The following SENP2 variants were observed in gnomAD, a reference collection of about 807,000 sequenced individuals.
The protein encoded by SENP2 is sentrin-specific protease 2.
In SENP2, 16 loss-of-function variants were observed where a neutral mutation model predicts 86.3. The observed-to-expected ratio is 0.19, with a 90% CI of 0.13 to 0.28. SENP2 has a LOEUF of 0.28. SENP2 is among the 10% of genes least tolerant of loss of function. The pLI, the probability that SENP2 is intolerant of heterozygous loss-of-function variation, is 1.00. For missense variants in SENP2, 552 were observed against 703.0 expected, an observed-to-expected ratio of 0.79 and a Z score of 2.43; for synonymous variants, 222 against 238.7, an observed-to-expected ratio of 0.93 and a Z score of 0.64.
In SENP2 at chr3:185,631,135, A is replaced by G. The variant is rs1712439130; in HGVS notation, c.*1291A>G. The G allele has an allele frequency of 6.6e-6, 1 of 151,954 alleles. No individual in the cohort carries two copies. Among genetic ancestry groups the G allele is most frequent in the Non-Finnish European group, 1.5e-5 (1 of 67,990 alleles). The allele number at this position is 151,954 out of a possible 1,614,324, so 9.4% of individuals were successfully genotyped here. A position where few individuals can be genotyped will look rare whatever the true frequency, so the allele number is the denominator to read the frequency against. The stretch of plus-strand genomic sequence containing the variant: ...TGAAATGATTTCTAACCCTCTCCCT[A>G]CTTAAACCTCCCAGACTTGTTCTGG... On this transcript the variant is annotated 3_prime_UTR_variant, in exon 17 of 17. Transcript: ENST00000296257.
Position 185,613,379 on chromosome 3 carries a change from AT to A in SENP2, c.905del (p.Met302ArgfsTer44). 1 of 1,594,626 alleles carries A rather than the reference AT, an allele frequency of 6.3e-7. No individual in the cohort carries two copies. Among genetic ancestry groups the A allele is most frequent in the Non-Finnish European group, 8.6e-7 (1 of 1,164,040 alleles). On this transcript the variant is annotated frameshift_variant, in exon 10 of 17. Coordinates refer to ENST00000296257, the MANE Select transcript of SENP2 (RefSeq NM_021627.3). ...GGGGAAAATTACTGATACAGAGACGATGGTCGGAATCAGATTTGAAAATGAA... is the reference window on the plus strand; with the variant it reads ...GGGGAAAATTACTGATACAGAGACGAGGTCGGAATCAGATTTGAAAATGAA... ...SKGKITDTETMVGIRFENESR... is the reference protein window; with the variant it reads ...SKGKITDTETXVGIRFENESR...
chr3:185,600,980 G>A lies in SENP2; in HGVS notation c.449+125G>A, dbSNP rs1018780872. ...AGCGCTCTGAGGTTAGTAACTTGCT[G>A]AATGTCATGCAGCCAGTGAGAGACT... On this transcript the variant is annotated intron_variant, in intron 5 of 16. Transcript: ENST00000296257. 1.8e-5 allele frequency: 11 copies of A among 607,164 alleles called. No individual in the cohort carries two copies. The African/African-American group carries it at 2.1e-4, about 12-fold the overall frequency. 37.6% of individuals were successfully genotyped at this position (607,164 alleles called of 1,614,324 possible).
chr3:185,609,760 C>T (rs1722626105), intron 7 of SENP2, among the ~76,000 whole-genome samples: 1 of 151,660 alleles, frequency 6.6e-6, no homozygotes, highest in African/African-American at 2.4e-5. Flanking sequence ...TTCTCCTTCA[C>T]CTCCTCCTGG....
chr3:185,616,735 A>G (rs1218379406), intron 11 of SENP2, among the ~76,000 whole-genome samples: 1 of 149,094 alleles, frequency 6.7e-6, no homozygotes, highest in Admixed American at 6.8e-5. Context: ...AGATGGCGCC[A>G]CTGCACTCCG....
At position 185,624,091 on chromosome 3, in the gene SENP2, C is replaced by T. The variant is rs776681261; in HGVS notation, c.1611+9C>T. The T allele has an allele frequency of 8.2e-6, 13 of 1,583,154 alleles. No homozygotes were observed. The highest frequency in any genetic ancestry group is 4.5e-5 in the South Asian group (4 of 88,998). On this transcript the variant is annotated intron_variant, in intron 15 of 16. Transcript: ENST00000296257. The stretch of plus-strand genomic sequence containing the variant: ...ACAGCATGAAACCACACGTGAGTGA[C>T]GATCATCTACATGTGACATACTTGG...
At position 185,586,442 on chromosome 3, in the gene SENP2, G is replaced by A. The variant is rs1182040119; in HGVS notation, c.29G>A (p.Gly10Asp). Residue 10 changes from glycine (G) to aspartate (D), a missense_variant, in exon 1 of 17, where the codon GGC becomes GAC. Physicochemically the swap from Gly to Asp is moderately conservative, Grantham distance 94 (BLOSUM62 -1). Coordinates refer to ENST00000296257, the MANE Select transcript of SENP2 (RefSeq NM_021627.3). This position sits in a 1 kb window ranked among gnomAD's most constrained non-coding sequence, Gnocchi z 4.3. ...TACAGATGGCTGGTTAGGATTCTCG[G>A]CACCATTTTCCGTTTCTGCGACCGG... is the stretch of plus-strand genomic sequence containing the variant. MYRWLVRIL[G>D]TIFRFCDRSV... is the part of the protein sequence containing the mutation. 6.2e-7 allele frequency: 1 copy of A among 1,614,082 alleles called. No individual in the cohort carries two copies. Among genetic ancestry groups the A allele is most frequent in the African/African-American group, 1.3e-5 (1 of 75,066 alleles).
intron 15 of SENP2, among the ~76,000 whole-genome samples, chr3:185,625,653 A>G: frequency 6.6e-6 from 1 of 152,184 alleles, no homozygotes; most frequent in East Asian, 1.9e-4. Flanking sequence ...TTTTTGCCTT[A>G]CGGCAGAACT....
intron 10 of SENP2, among the ~76,000 whole-genome samples, chr3:185,613,859 A>G (rs1180406782): frequency 1.3e-5 from 2 of 149,834 alleles, no homozygotes; most frequent in Non-Finnish European, 3.0e-5. Context: ...GGCAGGAAGC[A>G]TTGAAAATAC....
intron 11 of SENP2, among the ~76,000 whole-genome samples, chr3:185,616,016 C>G (rs1444110041): frequency 1.3e-5 from 2 of 151,804 alleles, no homozygotes; most frequent in African/African-American, 2.4e-5. Context: ...GCGCGTGCCA[C>G]CACGCCCAGC....
At chr3:185,606,301 C>CT in intron 5 of SENP2, 29 bp from the exon 6 acceptor site, 2 of 1,568,530 alleles carry the variant, frequency 1.3e-6, no homozygotes, top group South Asian at 2.4e-5. Context: ...CTTGGTGATA[C>CT]TTTTTTTCTT....
chr3:185,598,684 A>G (rs774949223), intron 3 of SENP2, 139 bp downstream of exon 3: 14 of 861,670 alleles, frequency 1.6e-5, no homozygotes, highest in Non-Finnish European at 1.9e-5. Context: ...CTGTGCTATA[A>G]AGGCCAAGAA....
rs1712416015 is a variant in SENP2, at chr3:185,630,600, T to C, written c.*756T>C. 1 of 152,634 alleles carries C rather than the reference T, an allele frequency of 6.6e-6. No homozygotes were observed. Among genetic ancestry groups the C allele is most frequent in the Admixed American group, 6.5e-5 (1 of 15,268 alleles). The allele number at this position is 152,634 out of a possible 1,614,324, so 9.5% of individuals were successfully genotyped here. On this transcript the variant is annotated 3_prime_UTR_variant, in exon 17 of 17. Transcript: ENST00000296257. The stretch of plus-strand genomic sequence containing the variant: ...CTTCCGAAGAGTGTTGTGGTCACCT[T>C]AAAGAGACTTCCCCTTCTGGAAATG...
chr3:185,624,886 G>T (rs1044397141), intron 15 of SENP2, among the ~76,000 whole-genome samples: 10 of 150,666 alleles, frequency 6.6e-5, no homozygotes, highest in Admixed American at 4.0e-4. Context: ...AAAAGAAAAA[G>T]AAAAATTTGA....
chr3:185,599,280 A>G (rs1220053142), intron 4 of SENP2, among the ~76,000 whole-genome samples: 2 of 152,242 alleles, frequency 1.3e-5, no homozygotes, highest in African/African-American at 4.8e-5. Flanking sequence ...ATTTAAAAAA[A>G]AACAAAAAAG....
At chr3:185,597,219 T>A (rs1722204009) in intron 2 of SENP2, among the ~76,000 whole-genome samples, 2 of 152,290 alleles carry the variant, frequency 1.3e-5, no homozygotes, top group African/African-American at 4.8e-5. Context: ...TTTGAGTGTG[T>A]GTGTGTGTGT....
rs1364835055 is a variant in SENP2 at position 185,630,027 on chromosome 3, G to C, written c.*183G>C. ...TGACTTGGGGTGCAGAGGGCTGCTT[G>C]CAATCCTGTTTGTAAGGCTGTGCCT... On this transcript the variant is annotated 3_prime_UTR_variant, in exon 17 of 17. Coordinates refer to ENST00000296257, the MANE Select transcript of SENP2 (RefSeq NM_021627.3). 1 of 597,632 alleles carries C rather than the reference G, an allele frequency of 1.7e-6. No homozygotes were observed. Among genetic ancestry groups the C allele is most frequent in the Non-Finnish European group, 3.0e-6 (1 of 330,450 alleles). The allele number at this position is 597,632 out of a possible 1,614,324, so 37.0% of individuals were successfully genotyped here. A position where few individuals can be genotyped will look rare whatever the true frequency, so the allele number is the denominator to read the frequency against.
At chr3:185,595,797 ATT>A (rs1011999597) in intron 2 of SENP2, among the ~76,000 whole-genome samples, 83 of 130,082 alleles carry the variant, frequency 6.4e-4, no homozygotes, top group Middle Eastern at 4.1e-3. Context: ...TGAGCCTGAG[ATT>A]TTTTTTTTTT....
At chr3:185,629,588 A>AC (rs988531423) in intron 16 of SENP2, among the ~76,000 whole-genome samples, 194 bp from the exon 17 acceptor site, 7 of 152,104 alleles carry the variant, frequency 4.6e-5, no homozygotes, top group Admixed American at 1.3e-4. Flanking sequence ...AAAAAAAAAA[A>AC]AAGTGCTTAT....
In SENP2 at chr3:185,619,351, A is replaced by T; in HGVS notation, c.1295A>T (p.Tyr432Phe). The T allele has an allele frequency of 1.2e-6, 2 of 1,614,122 alleles. No homozygotes were observed. The highest frequency in any genetic ancestry group is 1.7e-6 in the Non-Finnish European group (2 of 1,179,940). Residue 432 changes from tyrosine to phenylalanine, a missense_variant, in exon 13 of 17, where the codon TAT becomes TTT. Tyr to Phe is a conservative substitution (Grantham distance 22, BLOSUM62 3). Around this residue, in one of 2 missense-constraint regions of SENP2, gnomAD observed 169 missense variants for 275.7 expected, o/e 0.61. Transcript: ENST00000296257. ...GTGGAAAGAAATAAAAAGCAAGGCT[A>T]TCCAGCACTTCATGTATTCAGTACT... ...LLVERNKKQG[Y>F]PALHVFSTFF...
Sources: allele counts gnomAD v4.1 joint callset (sites outside exome capture counted in the v4.1 genomes callset), GRCh38; gene constraint gnomAD v4.1.1; regional missense constraint gnomAD v4.1.1; non-coding constraint Gnocchi (gnomAD v3.1); transcripts MANE v1.5; gene names NCBI Gene and HGNC (gene_info 2026-07-23, HGNC 2026-07-21).